The following ZNF652 variants were observed in gnomAD, a reference collection of about 807,000 sequenced individuals.
ZNF652 encodes the protein zinc finger protein 652.
Under a neutral mutation model 45.2 loss-of-function variants are expected in ZNF652, and 16 were observed. The observed-to-expected ratio is 0.35, with a 90% CI of 0.24 to 0.54. ZNF652 has a LOEUF of 0.54. ZNF652 is among the 20% of genes least tolerant of loss of function. The pLI, the probability that ZNF652 is intolerant of heterozygous loss-of-function variation, is 0.91. For missense variants in ZNF652, 614 were observed against 765.6 expected (o/e 0.80, Z 2.34); for synonymous variants, 250 against 260.6 (o/e 0.96, Z 0.39).
intron 5 of ZNF652, among the ~76,000 whole-genome samples, chr17:49,308,116 A>G (rs2069658195): frequency 6.6e-6 from 1 of 151,804 alleles, no homozygotes; most frequent in African/African-American, 2.4e-5. Flanking sequence ...TGGTGGTATG[A>G]TTTTACTTTG....
At chr17:49,319,619 T>C (rs1291067188) in intron 1 of ZNF652, among the ~76,000 whole-genome samples, 2 of 119,404 alleles carry the variant, frequency 1.7e-5, no homozygotes, top group African/African-American at 6.6e-5. Context: ...GCGACAGAGC[T>C]AGCTAGACTC....
intron 1 of ZNF652, among the ~76,000 whole-genome samples, chr17:49,320,296 G>C (rs1200130101): frequency 6.6e-6 from 1 of 151,702 alleles, no homozygotes; most frequent in Admixed American, 6.6e-5. Flanking sequence ...AATTACTTTT[G>C]CTTTCATGGA....
rs111827618 is a variant in ZNF652 at position 49,347,425 on chromosome 17, C to A, written c.-259+14484G>T. Among the ~76,000 whole-genome samples, 623 of 152,026 alleles carry A rather than the reference C, an allele frequency of 4.1e-3. 5 individuals are homozygous for A. The highest frequency in any genetic ancestry group is 6.7e-3 in the Non-Finnish European group (457 of 67,962). On this transcript the variant is annotated intron_variant, in intron 1 of 5. Transcript: ENST00000430262. ...ACTAAAAATACAAAAACTAGCTGGGCGTGATGGCACGTGCCTGTGGTCCCA... is the reference window on the plus strand; with the variant it reads ...ACTAAAAATACAAAAACTAGCTGGGAGTGATGGCACGTGCCTGTGGTCCCA...
chr17:49,348,534 G>GAAAAGAAAAGAA (rs1555552488), intron 1 of ZNF652, among the ~76,000 whole-genome samples: 24 of 125,120 alleles, frequency 1.9e-4, no homozygotes, highest in African/African-American at 6.7e-4. Context: ...GAAAAGAAAA[G>GAAAAGAAAAGAA]AAAAGAAAAA....
At chr17:49,307,386 G>A (rs1011328737) in intron 5 of ZNF652, among the ~76,000 whole-genome samples, 45 of 147,100 alleles carry the variant, frequency 3.1e-4, no homozygotes, top group Non-Finnish European at 5.4e-4. Flanking sequence ...AACCGAGATC[G>A]GGCCATTGCA....
chr17:49,334,563 G>C (rs911250471), intron 1 of ZNF652, among the ~76,000 whole-genome samples: 1 of 152,170 alleles, frequency 6.6e-6, no homozygotes, highest in African/African-American at 2.4e-5. Context: ...TGAATTGCTA[G>C]AGTTCAGGAG....
At chr17:49,319,570 T>C (rs1310695665) in intron 1 of ZNF652, among the ~76,000 whole-genome samples, 5 of 145,064 alleles carry the variant, frequency 3.4e-5, no homozygotes, top group African/African-American at 1.0e-4. Context: ...GAGGCGGAGA[T>C]TGTAATGAGC....
chr17:49,328,077 A>AG (rs2069985340), intron 1 of ZNF652, among the ~76,000 whole-genome samples: 2 of 152,042 alleles, frequency 1.3e-5, no homozygotes, highest in Non-Finnish European at 1.5e-5. Flanking sequence ...CAATGGAGAT[A>AG]GTCGTAGTTC....
At chr17:49,319,189 C>T (rs780376243) in intron 1 of ZNF652, among the ~76,000 whole-genome samples, 13 of 152,112 alleles carry the variant, frequency 8.5e-5, no homozygotes, top group African/African-American at 2.7e-4. Flanking sequence ...TGAATATTAC[C>T]GTAAACACAT....
At chr17:49,348,539 G>T (rs973423453) in intron 1 of ZNF652, among the ~76,000 whole-genome samples, 2 of 135,564 alleles carry the variant, frequency 1.5e-5, no homozygotes, top group African/African-American at 5.3e-5. Flanking sequence ...GAAAAGAAAA[G>T]AAAAACCCCC....
At chr17:49,345,840 C>CAAAAAAAAA (rs11381958) in intron 1 of ZNF652, among the ~76,000 whole-genome samples, 1 of 115,708 alleles carries the variant, frequency 8.6e-6, no homozygotes, top group Admixed American at 8.9e-5. Flanking sequence ...GACTCCATCT[C>CAAAAAAAAA]AAAAAAAAAA....
intron 5 of ZNF652, among the ~76,000 whole-genome samples, chr17:49,300,663 A>G (rs972335310): frequency 4.6e-5 from 7 of 152,148 alleles, no homozygotes; most frequent in African/African-American, 7.2e-5. Flanking sequence ...TCAGTCCTCC[A>G]TATCTATAGC....
At chr17:49,301,682 G>C (rs533016102) in intron 5 of ZNF652, among the ~76,000 whole-genome samples, 1 of 152,208 alleles carries the variant, frequency 6.6e-6, no homozygotes, top group South Asian at 2.1e-4. Context: ...TGAATTCTGA[G>C]CCCAGATTGT....
At chr17:49,355,021 C>T (rs902253566) in intron 1 of ZNF652, among the ~76,000 whole-genome samples, 6 of 152,118 alleles carry the variant, frequency 3.9e-5, no homozygotes, top group East Asian at 3.9e-4. Context: ...CCACTGCACC[C>T]GGCCACATCG....
chr17:49,357,239 C>CA (rs1258560798), intron 1 of ZNF652, among the ~76,000 whole-genome samples: 1 of 151,416 alleles, frequency 6.6e-6, no homozygotes, highest in Non-Finnish European at 1.5e-5. Flanking sequence ...AAGGAGGTTG[C>CA]AGTGAGCTGA....
At position 49,312,826 on chromosome 17, in the gene ZNF652, G is replaced by C; in HGVS notation, c.920C>G (p.Ser307Trp). The C allele has an allele frequency of 1.2e-6, 2 of 1,613,800 alleles. No individual in the cohort carries two copies. The highest frequency in any genetic ancestry group is 8.5e-7 in the Non-Finnish European group (1 of 1,179,870). The change falls in exon 3 of 6, where the codon TCG (serine) becomes TGG (tryptophan). Residue 307 changes from serine (S) to tryptophan (W), a missense_variant. Physicochemically the swap from Ser to Trp is radical, Grantham distance 177. Around this residue, in one of 5 missense-constraint regions of ZNF652, gnomAD observed 262 missense variants for 306.3 expected, o/e 0.86. Transcript: ENST00000430262. ...KNIQCVSCNK[S>W]FKKLWSLHEH... ...ATGAAGGGACCAGAGTTTCTTGAAC[G>C]ATTTGTTACAGGAAACACACTGAGC...
intron 1 of ZNF652, among the ~76,000 whole-genome samples, chr17:49,319,015 A>T (rs79477682): frequency 0.021 from 3,219 of 152,298 alleles, 55 homozygotes; most frequent in Middle Eastern, 0.061. Context: ...TCAGTTGCAC[A>T]GGAGTCTAAA....
chr17:49,345,502 G>A (rs1457525365), intron 1 of ZNF652, among the ~76,000 whole-genome samples: 3 of 149,524 alleles, frequency 2.0e-5, no homozygotes, highest in African/African-American at 4.9e-5. Flanking sequence ...GCGCCTGGCC[G>A]TGTTATTTCT....
chr17:49,337,429 T>C (rs541803020), intron 1 of ZNF652, among the ~76,000 whole-genome samples: 2 of 151,932 alleles, frequency 1.3e-5, no homozygotes, highest in Admixed American at 6.5e-5. Flanking sequence ...TTTAACTCAA[T>C]AGAGGTTTTC....
Sources: allele counts gnomAD v4.1 joint callset (sites outside exome capture counted in the v4.1 genomes callset), GRCh38; gene constraint gnomAD v4.1.1; regional missense constraint gnomAD v4.1.1; transcripts MANE v1.5; gene names NCBI Gene and HGNC (gene_info 2026-07-23, HGNC 2026-07-21).